The following USP25 variants were observed in gnomAD, a reference collection of about 807,000 sequenced individuals.
USP25 encodes ubiquitin specific peptidase 25.
In USP25, 85 loss-of-function variants were observed where a neutral mutation model predicts 158.5. The ratio of observed to expected loss-of-function variants is 0.54; its 90% CI spans 0.45 to 0.64. USP25 has a LOEUF of 0.64. Ranked by LOEUF, USP25 falls within the 30% of genes least tolerant of loss-of-function variation. USP25 has a pLI of 0.00. For synonymous variants in USP25, 464 were observed against 460.4 expected (o/e 1.01, Z -0.10); for missense variants, 1,242 against 1,327.3 (o/e 0.94, Z 1.00).
chr21:15,817,250 C>T (rs554981725), intron 9 of USP25, among the ~76,000 whole-genome samples: 18 of 151,432 alleles, frequency 1.2e-4, no homozygotes, highest in Admixed American at 3.9e-4. Flanking sequence ...TATTTTCCTT[C>T]TTACCTATCT....
chr21:15,786,231 A>G (rs1239550507), intron 4 of USP25, among the ~76,000 whole-genome samples: 3 of 152,142 alleles, frequency 2.0e-5, no homozygotes, highest in Non-Finnish European at 2.9e-5. Context: ...AACTAATATT[A>G]ATTCTCAAAC....
intron 1 of USP25, among the ~76,000 whole-genome samples, chr21:15,736,417 G>C (rs2031521927): frequency 6.6e-6 from 1 of 152,042 alleles, no homozygotes. Flanking sequence ...TTGTGTTTTT[G>C]TCTTTTAGAA....
intron 10 of USP25, among the ~76,000 whole-genome samples, chr21:15,820,946 G>A (rs1367373018): frequency 6.6e-6 from 1 of 151,922 alleles, no homozygotes; most frequent in East Asian, 1.9e-4. Context: ...AACTGAATAA[G>A]TTAAACATGA....
At chr21:15,867,083 C>G (rs972479276) in intron 22 of USP25, among the ~76,000 whole-genome samples, 1 of 152,118 alleles carries the variant, frequency 6.6e-6, no homozygotes, top group Non-Finnish European at 1.5e-5. Flanking sequence ...GGTACTTGTA[C>G]ATGTGCTTGT....
chr21:15,773,063 C>T (rs2034446796), intron 3 of USP25, among the ~76,000 whole-genome samples: 1 of 152,170 alleles, frequency 6.6e-6, no homozygotes, highest in South Asian at 2.1e-4. Context: ...AAAGTCCCAG[C>T]TTTTCAGTTA....
At chr21:15,787,898 C>CCT (rs1173905891) in intron 4 of USP25, among the ~76,000 whole-genome samples, 4 of 127,244 alleles carry the variant, frequency 3.1e-5, no homozygotes, top group African/African-American at 1.5e-4. Flanking sequence ...AATAACACCC[C>CCT]CTCACCCCCC....
In USP25 at chr21:15,864,447, G is replaced by C; in HGVS notation, c.2726+1G>C. On this transcript the variant is annotated splice_donor_variant, in intron 21 of 25. Coordinates refer to ENST00000400183, the MANE Select transcript of USP25 (RefSeq NM_001283041.3). LOFTEE classifies it high-confidence loss of function. Reference sequence around the variant, plus strand: ...ATAGAAATTTGAGTTTTGATGAAAGGTAATTTGAAAGTATAAAATTCATAT... The same window carrying C: ...ATAGAAATTTGAGTTTTGATGAAAGCTAATTTGAAAGTATAAAATTCATAT... The C allele has an allele frequency of 6.3e-7, 1 of 1,589,136 alleles. No individual in the cohort carries two copies. The highest frequency in any genetic ancestry group is 8.5e-7 in the Non-Finnish European group (1 of 1,171,590).
chr21:15,777,981 G>A lies in USP25; in HGVS notation c.346G>A (p.Ala116Thr), dbSNP rs763561282. 1.9e-6 allele frequency: 3 copies of A among 1,611,488 alleles called. No individual in the cohort carries two copies. The highest frequency in any genetic ancestry group is 1.1e-5 in the South Asian group (1 of 90,708). Residue 116 changes from alanine (A) to threonine (T), a missense_variant, in exon 4 of 26, where the codon GCA (alanine) becomes ACA (threonine). Transcript: ENST00000400183. Reference sequence around the variant, plus strand: ...CTTGAGTTTGGCCGAATCAAACAGGGCATTCAGGGAGACTGGAATAACTGA... The same window carrying A: ...CTTGAGTTTGGCCGAATCAAACAGGACATTCAGGGAGACTGGAATAACTGA... ...IALSLAESNR[A>T]FRETGITDEE...
chr21:15,838,741 A>C (rs940802198), intron 17 of USP25, among the ~76,000 whole-genome samples: 1 of 152,186 alleles, frequency 6.6e-6, no homozygotes, highest in Non-Finnish European at 1.5e-5. Flanking sequence ...CAAAAAAATA[A>C]AGACTTCTGA....
intron 10 of USP25, 61 bp downstream of exon 10, chr21:15,818,907 A>G (rs1273617082): frequency 8.8e-5 from 136 of 1,546,608 alleles, no homozygotes; most frequent in Non-Finnish European, 1.2e-4. Context: ...ATGCTATAGC[A>G]CAATGTAAGG....
intron 4 of USP25, among the ~76,000 whole-genome samples, chr21:15,784,496 C>T (rs1000046758): frequency 3.3e-5 from 5 of 151,826 alleles, no homozygotes; most frequent in South Asian, 2.1e-4. Context: ...TGCTTGAACC[C>T]GGGAGGTGGA....
At chr21:15,730,528 C>T (rs2030702841) in intron 1 of USP25, 90 bp downstream of exon 1, 6 of 1,270,656 alleles carry the variant, frequency 4.7e-6, no homozygotes, top group Non-Finnish European at 5.0e-6. Flanking sequence ...GCCTCGCCGC[C>T]GCCGCCTTCC....
At chr21:15,799,950 T>C in intron 6 of USP25, 107 bp downstream of exon 6, 2 of 544,536 alleles carry the variant, frequency 3.7e-6, no homozygotes, top group East Asian at 3.3e-5. Context: ...AAACTGTCAA[T>C]TTGAATGTCA....
At chr21:15,736,846 A>G (rs1191778342) in intron 1 of USP25, among the ~76,000 whole-genome samples, 3 of 150,230 alleles carry the variant, frequency 2.0e-5, no homozygotes, top group African/African-American at 7.3e-5. Context: ...TTTTTAATTA[A>G]CTATTTAATT....
chr21:15,763,109 C>A (rs1164372263), intron 2 of USP25, 141 bp downstream of exon 2: 1 of 682,848 alleles, frequency 1.5e-6, no homozygotes, highest in East Asian at 3.1e-5. Context: ...AAAGTAAAAT[C>A]CTCAGTTAAC....
intron 20 of USP25, among the ~76,000 whole-genome samples, chr21:15,858,225 C>G (rs2039253133): frequency 6.6e-6 from 1 of 152,026 alleles, no homozygotes. Flanking sequence ...CACTTCCTTT[C>G]CAAATCCTTT....
chr21:15,831,583 A>C lies in USP25; in HGVS notation c.1947A>C (p.Ala649=). ...DSFGGYRNAS[A]YCLMYINDKA... is the part of the protein sequence containing the mutation. ...TTGGTGGTTATAGAAATGCCAGTGC[A>C]TACTGTTTAATGTACATAAATGATA... Residue 649 remains alanine (A), a synonymous_variant, in exon 16 of 26, where the codon GCA becomes GCC. Transcript: ENST00000400183. The C allele has an allele frequency of 6.2e-7, 1 of 1,614,054 alleles. No homozygotes were observed. Among genetic ancestry groups the C allele is most frequent in the Non-Finnish European group, 8.5e-7 (1 of 1,179,946 alleles).
Position 15,789,173 on chromosome 21 carries a change from T to C in USP25, c.393-2329T>C, listed in dbSNP as rs2035455955. ...ACATTATCTCAGTATATCAATGTGATGTTTACATTAAATATTTTGTATGTA... is the reference window on the plus strand; with the variant it reads ...ACATTATCTCAGTATATCAATGTGACGTTTACATTAAATATTTTGTATGTA... On this transcript the variant is annotated intron_variant, in intron 4 of 25. Coordinates refer to ENST00000400183, the MANE Select transcript of USP25 (RefSeq NM_001283041.3). Among the ~76,000 whole-genome samples the C allele has an allele frequency of 2.0e-5, 3 of 152,144 alleles. No homozygotes were observed. The South Asian group carries it at 6.2e-4, about 31-fold the overall frequency.
At chr21:15,765,270 A>T (rs995871145) in intron 2 of USP25, among the ~76,000 whole-genome samples, 1 of 152,108 alleles carries the variant, frequency 6.6e-6, no homozygotes, top group African/African-American at 2.4e-5. Context: ...TTGTGCAGAG[A>T]ATATAAAGAT....
Sources: gnomAD v4.1 joint callset for allele counts (sites outside exome capture counted in the v4.1 genomes callset) on GRCh38, gnomAD v4.1.1 for gene constraint, MANE v1.5 for transcripts, NCBI Gene and HGNC (gene_info 2026-07-23, HGNC 2026-07-21) for gene names.